The following CCDC61 variants were observed in gnomAD, a reference collection of about 807,000 sequenced individuals.
The protein encoded by CCDC61 is centrosomal protein CCDC61.
In CCDC61, 55 loss-of-function variants were observed where a neutral mutation model predicts 63.0. That is an observed-to-expected ratio of 0.87 (90% CI 0.70 to 1.09). CCDC61 has a LOEUF of 1.09. Among genes scored for constraint, CCDC61 ranks in the 50% least tolerant of loss-of-function variants. CCDC61 has a pLI of 0.00. For missense variants in CCDC61, 651 were observed against 731.4 expected (o/e 0.89, Z 1.27); for synonymous variants, 270 against 317.0 (o/e 0.85, Z 1.58).
chr19:46,015,089 C>A lies in CCDC61; in HGVS notation c.592C>A (p.Gln198Lys). The A allele has an allele frequency of 7.1e-7, 1 of 1,400,670 alleles. No individual in the cohort carries two copies. The highest frequency in any genetic ancestry group is 9.3e-7 in the Non-Finnish European group (1 of 1,078,098). 86.8% of individuals were successfully genotyped at this position (1,400,670 alleles called of 1,614,324 possible). A position where few individuals can be genotyped will look rare whatever the true frequency, so the allele number is the denominator to read the frequency against. ...GTCCGAGAAGCGGGAGCTGGAGGCG[C>A]AGCTGGGCCGATCGCGCGAGGAGGC... ...LASEKRELEA[Q>K]LGRSREEALA... The change falls in exon 6 of 14, where the codon CAG (glutamine) becomes AAG (lysine). Residue 198 changes from glutamine to lysine, a missense_variant. Physicochemically the swap from Gln to Lys is moderately conservative, Grantham distance 53 (BLOSUM62 1). Transcript: ENST00000595358. This position sits in a 1 kb window ranked among gnomAD's most constrained non-coding sequence, Gnocchi z 5.3.
intron 3 of CCDC61, 92 bp downstream of exon 3, chr19:46,003,593 TCTAC>T: frequency 1.3e-6 from 1 of 765,862 alleles, no homozygotes; most frequent in Non-Finnish European, 2.1e-6. Context: ...TGTAAGACCC[TCTAC>T]CTTCTCTTTC....
rs139230891 is a variant in CCDC61, at chr19:45,997,906, C to T, written c.-12+2402C>T. Among the ~76,000 whole-genome samples the T allele has an allele frequency of 6.5e-3, 983 of 152,040 alleles. 14 individuals are homozygous for T. Among genetic ancestry groups the T allele is most frequent in the African/African-American group, 0.023 (946 of 41,456 alleles). ...TTCACCATCTTGGCCAGGCTGGTTT[C>T]GAACTCCTGACCTCAAGTGATCTGC... On this transcript the variant is annotated intron_variant, in intron 1 of 13. Transcript: ENST00000595358.
chr19:45,995,863 G>C (rs1022023193), intron 1 of CCDC61, among the ~76,000 whole-genome samples: 32 of 152,278 alleles, frequency 2.1e-4, no homozygotes, highest in African/African-American at 7.5e-4. Context: ...TACAAGCTTT[G>C]ATTTGGGTGA....
At chr19:46,008,785 C>T (rs1968768206) in intron 5 of CCDC61, among the ~76,000 whole-genome samples, 1 of 152,074 alleles carries the variant, frequency 6.6e-6, no homozygotes, top group Non-Finnish European at 1.5e-5. Context: ...TTGGCACTGC[C>T]CTCCTGGGAC....
At position 45,999,937 on chromosome 19, in the gene CCDC61, T is replaced by A. The variant is rs960449705; in HGVS notation, c.-11-3071T>A. ...CGGGGCCTCGAAGGCACCGCTGGGA[T>A]GCGTGAGGTCAGGAAGGAGGCAGAG... On this transcript the variant is annotated intron_variant, in intron 1 of 13. Coordinates refer to ENST00000595358, the MANE Select transcript of CCDC61 (RefSeq NM_001267723.2). The A allele has an allele frequency of 1.1e-5, 9 of 791,010 alleles. No individual in the cohort carries two copies. In the African/African-American group the frequency reaches 1.5e-4, roughly 13 times the overall value. 49.0% of individuals were successfully genotyped at this position (791,010 alleles called of 1,614,324 possible).
chr19:46,012,300 T>A (rs1296951832), intron 5 of CCDC61, among the ~76,000 whole-genome samples: 1 of 152,194 alleles, frequency 6.6e-6, no homozygotes, highest in Non-Finnish European at 1.5e-5. Context: ...AATATAAATG[T>A]ACGGTTTCAC....
intron 12 of CCDC61, among the ~76,000 whole-genome samples, chr19:46,017,704 G>A (rs1968975446): frequency 6.6e-6 from 1 of 152,182 alleles, no homozygotes; most frequent in Non-Finnish European, 1.5e-5. Context: ...GGAACAGCAC[G>A]TTTTGAGAGC....
In CCDC61 at chr19:46,008,125, A is replaced by G; in HGVS notation, c.390-15A>G. On this transcript the variant is annotated splice_polypyrimidine_tract_variant and intron_variant, in intron 4 of 13. Coordinates refer to ENST00000595358, the MANE Select transcript of CCDC61 (RefSeq NM_001267723.2). ...TGGCCTCTGAGATGCCACGGTTTTA[A>G]TCCTCCCTCCTCAGGATTCACTACC... 6.3e-7 allele frequency: 1 copy of G among 1,594,350 alleles called. No individual in the cohort carries two copies. The highest frequency in any genetic ancestry group is 1.3e-5 in the African/African-American group (1 of 74,328).
chr19:46,009,053 T>G (rs1196067148), intron 5 of CCDC61, among the ~76,000 whole-genome samples: 1 of 152,120 alleles, frequency 6.6e-6, no homozygotes, highest in Non-Finnish European at 1.5e-5. Context: ...AGTATATCAT[T>G]ACAGATGGAG....
chr19:46,009,749 G>A (rs1968787734), intron 5 of CCDC61, among the ~76,000 whole-genome samples: 1 of 152,182 alleles, frequency 6.6e-6, no homozygotes, highest in South Asian at 2.1e-4. Context: ...CGGCTGGGCC[G>A]AGGAAGGCCG....
chr19:46,016,772 C>A lies in CCDC61; in HGVS notation c.1170C>A (p.Pro390=). The change falls in exon 10 of 14, where the codon CCC becomes CCA. Residue 390 remains proline (P), a synonymous_variant. Transcript: ENST00000595358. The surrounding 1 kb of genome is among the most constrained non-coding windows in gnomAD (Gnocchi z 7.2). ...PSVSWSRQTQ[P]PAALTGRGDA... ...TCTCCTGGTCTCGCCAGACCCAGCC[C>A]CCTGCTGCCTTGACTGGCCGAGGGG... 1 of 1,564,550 alleles carries A rather than the reference C, an allele frequency of 6.4e-7. No individual in the cohort carries two copies. The highest frequency in any genetic ancestry group is 8.7e-7 in the Non-Finnish European group (1 of 1,155,648).
Position 46,018,080 on chromosome 19 carries a change from G to A in CCDC61, c.1371G>A (p.Lys457=). The A allele has an allele frequency of 6.2e-7, 1 of 1,609,330 alleles. No homozygotes were observed. Among genetic ancestry groups the A allele is most frequent in the Non-Finnish European group, 8.5e-7 (1 of 1,178,094 alleles). ...TTTCCTACCTTCCCCATCACCAGAA[G>A]TCTCCCCCCGTGGAACGCAGCCACC... ...SPTPWSGSNM[K]SPPVERSHHQ... The change falls in exon 13 of 14, where the codon AAG becomes AAA. Residue 457 remains lysine, a splice_region_variant and synonymous_variant. Coordinates refer to ENST00000595358, the MANE Select transcript of CCDC61 (RefSeq NM_001267723.2). The surrounding 1 kb of genome is among the most constrained non-coding windows in gnomAD (Gnocchi z 4.2).
chr19:45,996,877 G>T (rs1968502638), intron 1 of CCDC61, among the ~76,000 whole-genome samples: 1 of 152,112 alleles, frequency 6.6e-6, no homozygotes, highest in Non-Finnish European at 1.5e-5. Flanking sequence ...TGGCCTTCCA[G>T]GTGGGCTCTC....
Position 46,008,400 on chromosome 19 carries a change from C to T in CCDC61, c.551+99C>T, listed in dbSNP as rs536928268. ...TCCTGTGGGGAGGATGACTGTCCTTCGCCCACCACGTATTCTTTTTTTTTT... is the reference window on the plus strand; with the variant it reads ...TCCTGTGGGGAGGATGACTGTCCTTTGCCCACCACGTATTCTTTTTTTTTT... On this transcript the variant is annotated intron_variant, in intron 5 of 13. Transcript: ENST00000595358. 135 of 990,824 alleles carry T rather than the reference C, an allele frequency of 1.4e-4. No individual in the cohort carries two copies. The African/African-American group carries it at 1.8e-3, about 13-fold the overall frequency. The allele number at this position is 990,824 out of a possible 1,614,324, so 61.4% of individuals were successfully genotyped here.
chr19:46,001,668 G>A (rs1968594184), intron 1 of CCDC61, among the ~76,000 whole-genome samples: 1 of 152,268 alleles, frequency 6.6e-6, no homozygotes, highest in African/African-American at 2.4e-5. Context: ...TAAGAGCTGT[G>A]ATCTAGAGAG....
At chr19:46,008,380 T>TGGGGAGGA (rs1183492698) in intron 5 of CCDC61, 79 bp downstream of exon 5, 1 of 1,116,122 alleles carries the variant, frequency 9.0e-7, no homozygotes, top group Non-Finnish European at 1.3e-6. Context: ...CTCGGTCCTG[T>TGGGGAGGA]GGGGAGGATG....
chr19:46,009,969 C>A (rs1968797778), intron 5 of CCDC61, among the ~76,000 whole-genome samples: 1 of 152,176 alleles, frequency 6.6e-6, no homozygotes, highest in African/African-American at 2.4e-5. Context: ...GCCTTGAGAT[C>A]CCACCGCTGC....
intron 1 of CCDC61, among the ~76,000 whole-genome samples, chr19:46,000,799 C>T (rs1968575823): frequency 6.9e-6 from 1 of 145,246 alleles, no homozygotes; most frequent in East Asian, 2.0e-4. Context: ...TTCGGTGGCT[C>T]AGTGTCTGGG....
chr19:46,001,674 G>C (rs1600640625), intron 1 of CCDC61, among the ~76,000 whole-genome samples: 1 of 152,266 alleles, frequency 6.6e-6, no homozygotes, highest in Non-Finnish European at 1.5e-5. Flanking sequence ...CTGTGATCTA[G>C]AGAGAGGTGT....
Sources: allele counts gnomAD v4.1 joint callset (sites outside exome capture counted in the v4.1 genomes callset), GRCh38; gene constraint gnomAD v4.1.1; non-coding constraint Gnocchi (gnomAD v3.1); transcripts MANE v1.5; gene names NCBI Gene and HGNC (gene_info 2026-07-23, HGNC 2026-07-21).